CHN1: variants seen among roughly 807,000 people sequenced by gnomAD.
The protein encoded by CHN1 is N-chimaerin.
A neutral mutation model predicts 59.5 loss-of-function variants in CHN1; 37 were observed. The observed-to-expected ratio is 0.62, with a 90% confidence interval of 0.48 to 0.82. CHN1 has a LOEUF of 0.82. Among genes scored for constraint, CHN1 ranks in the 40% least tolerant of loss-of-function variants. CHN1 has a pLI of 0.00. For missense variants in CHN1, 469 were observed against 571.0 expected (o/e 0.82, Z 1.82); for synonymous variants, 206 against 200.4 (o/e 1.03, Z -0.24).
At chr2:174,820,634 C>T (rs905091024) in intron 8 of CHN1, among the ~76,000 whole-genome samples, 2 of 152,126 alleles carry the variant, frequency 1.3e-5, no homozygotes, top group Non-Finnish European at 1.5e-5. Flanking sequence ...TTGAATAGCC[C>T]GTGTAATGTA....
intron 8 of CHN1, among the ~76,000 whole-genome samples, chr2:174,823,092 G>GA (rs1455069834): frequency 2.6e-5 from 4 of 152,118 alleles, no homozygotes; most frequent in African/African-American, 9.7e-5. Context: ...ATAAGAATCA[G>GA]ACCCCAGAAA....
chr2:174,936,431 A>G (rs985772852), intron 3 of CHN1, among the ~76,000 whole-genome samples: 1 of 152,272 alleles, frequency 6.6e-6, no homozygotes, highest in Admixed American at 6.5e-5. Flanking sequence ...TTTTATACCT[A>G]TGTAATAAAT....
chr2:174,962,667 G>GC (rs1690450032), intron 1 of CHN1, among the ~76,000 whole-genome samples: 1 of 72,624 alleles, frequency 1.4e-5, no homozygotes. Context: ...AAGGCCCGGG[G>GC]GGGGGGGGGG....
At chr2:174,912,007 C>A (rs543776616) in intron 5 of CHN1, among the ~76,000 whole-genome samples, 1 of 152,084 alleles carries the variant, frequency 6.6e-6, no homozygotes, top group Non-Finnish European at 1.5e-5. Flanking sequence ...GAAATAAGAT[C>A]GTTGGTTTCG....
chr2:174,924,702 T>C (rs535340171), intron 3 of CHN1, among the ~76,000 whole-genome samples: 2 of 152,320 alleles, frequency 1.3e-5, no homozygotes, highest in Admixed American at 6.5e-5. Flanking sequence ...AATTAAGGAA[T>C]TTGTAATATA....
chr2:174,857,814 G>A (rs1686951001), intron 6 of CHN1, among the ~76,000 whole-genome samples: 1 of 152,104 alleles, frequency 6.6e-6, no homozygotes, highest in Non-Finnish European at 1.5e-5. Flanking sequence ...TTGTTCTGTG[G>A]CAATAGAGAA....
chr2:174,819,587 G>A (rs1043900362), intron 8 of CHN1, among the ~76,000 whole-genome samples: 4 of 152,052 alleles, frequency 2.6e-5, no homozygotes, highest in Non-Finnish European at 4.4e-5. Flanking sequence ...TAACCTATAA[G>A]CTTACTTTTC....
intron 3 of CHN1, among the ~76,000 whole-genome samples, chr2:174,922,543 A>T (rs1689044283): frequency 6.6e-6 from 1 of 151,990 alleles, no homozygotes; most frequent in South Asian, 2.1e-4. Context: ...ATTTTTAAAT[A>T]TTTTTTTGGT....
chr2:174,909,887 T>G (rs1009325381), intron 5 of CHN1, among the ~76,000 whole-genome samples: 2 of 152,166 alleles, frequency 1.3e-5, no homozygotes, highest in African/African-American at 4.8e-5. Context: ...GGGTCCCTTT[T>G]GCGATATACT....
At chr2:174,917,262 G>A (rs1383212513) in intron 4 of CHN1, among the ~76,000 whole-genome samples, 1 of 152,010 alleles carries the variant, frequency 6.6e-6, no homozygotes, top group South Asian at 2.1e-4. Flanking sequence ...GTGAAACCCC[G>A]TCTGTCCTAA....
intron 6 of CHN1, among the ~76,000 whole-genome samples, chr2:174,855,695 T>C (rs1686879327): frequency 6.6e-6 from 1 of 152,176 alleles, no homozygotes; most frequent in Non-Finnish European, 1.5e-5. Flanking sequence ...ACATGTATGA[T>C]AAAGTTTAGT....
chr2:174,939,575 G>A (rs1384215467), intron 3 of CHN1, among the ~76,000 whole-genome samples: 1 of 152,058 alleles, frequency 6.6e-6, no homozygotes, highest in Non-Finnish European at 1.5e-5. Flanking sequence ...AAAGATAATA[G>A]TCTTACTAAT....
chr2:174,873,295 G>C (rs954513046), intron 6 of CHN1, among the ~76,000 whole-genome samples: 2 of 152,092 alleles, frequency 1.3e-5, no homozygotes, highest in Non-Finnish European at 2.9e-5. Context: ...AGGGTTAAGA[G>C]GGAGAAGAAC....
intron 6 of CHN1, among the ~76,000 whole-genome samples, chr2:174,853,780 T>C (rs770765706): frequency 2.6e-5 from 4 of 152,158 alleles, no homozygotes; most frequent in African/African-American, 9.7e-5. Flanking sequence ...AAAAACATCA[T>C]GTCCTTTGCA....
intron 1 of CHN1, among the ~76,000 whole-genome samples, chr2:174,993,762 T>C (rs1464109452): frequency 1.3e-5 from 2 of 152,178 alleles, no homozygotes; most frequent in Non-Finnish European, 2.9e-5. Context: ...ATTGTTTCAA[T>C]CTTCTTGCAC....
At chr2:174,910,286 T>G (rs1468469778) in intron 5 of CHN1, among the ~76,000 whole-genome samples, 4 of 152,188 alleles carry the variant, frequency 2.6e-5, no homozygotes, top group African/African-American at 9.7e-5. Context: ...AAAGAAGTAT[T>G]TTATGTCAAA....
At chr2:174,931,185 T>C (rs949168674) in intron 3 of CHN1, among the ~76,000 whole-genome samples, 4 of 152,058 alleles carry the variant, frequency 2.6e-5, no homozygotes, top group African/African-American at 9.7e-5. Flanking sequence ...AATAAATGGT[T>C]GGTTTCAATA....
rs16862884 is a variant in CHN1, at chr2:174,859,803, G to C, written c.550-12846C>G. Among the ~76,000 whole-genome samples, 1,013 of 152,162 alleles carry C rather than the reference G, an allele frequency of 6.7e-3. 30 individuals carry two copies. Among genetic ancestry groups the C allele is most frequent in the East Asian group, 8.1e-3 (42 of 5,172 alleles). On this transcript the variant is annotated intron_variant, in intron 6 of 12. Coordinates refer to ENST00000409900, the MANE Select transcript of CHN1 (RefSeq NM_001822.7). ...ATAACAGGCTGACTCTTAACCCTAA[G>C]TAAGGCTCAGCTGTCACAAAGACCC... is the stretch of plus-strand genomic sequence containing the variant.
At chr2:174,998,302 C>CAAAAAAAAA (rs34770658) in intron 1 of CHN1, among the ~76,000 whole-genome samples, 1 of 48,804 alleles carries the variant, frequency 2.0e-5, no homozygotes, top group Non-Finnish European at 3.6e-5. Context: ...GACTCTGTCT[C>CAAAAAAAAA]AAAAAAAAAA....
Sources: allele counts gnomAD v4.1 joint callset (sites outside exome capture counted in the v4.1 genomes callset), GRCh38; gene constraint gnomAD v4.1.1; transcripts MANE v1.5; gene names NCBI Gene and HGNC (gene_info 2026-07-23, HGNC 2026-07-21).